LRRC4C: variants seen among roughly 807,000 people sequenced by gnomAD.
LRRC4C encodes leucine rich repeat containing 4C, also known as leucine-rich repeat-containing protein 4C.
A neutral mutation model predicts 33.6 loss-of-function variants in LRRC4C; 5 were observed. That is an observed-to-expected ratio of 0.15 (90% CI 0.08 to 0.31). The LOEUF is 0.31. LRRC4C is among the 10% of genes least tolerant of loss of function. The pLI is 1.00. For synonymous variants in LRRC4C, 329 were observed against 302.0 expected (o/e 1.09, Z -0.93); for missense variants, 560 against 796.7 (o/e 0.70, Z 3.58).
intron 4 of LRRC4C, among the ~76,000 whole-genome samples, chr11:40,250,152 C>A (rs1396244817): frequency 1.3e-5 from 2 of 150,900 alleles, no homozygotes; most frequent in African/African-American, 4.9e-5. Context: ...ATTATCTTGT[C>A]CCTAACTCAG....
At chr11:40,844,209 G>C (rs148611582) in intron 2 of LRRC4C, among the ~76,000 whole-genome samples, 13 of 151,116 alleles carry the variant, frequency 8.6e-5, no homozygotes, top group Admixed American at 2.0e-4. Context: ...TGCACGTTGT[G>C]CACATGTACC....
At chr11:40,141,897 T>C (rs1756067947) in intron 5 of LRRC4C, among the ~76,000 whole-genome samples, 1 of 142,726 alleles carries the variant, frequency 7.0e-6, no homozygotes, top group Non-Finnish European at 1.6e-5. Flanking sequence ...AATATATCAC[T>C]AATGAATGTT....
chr11:40,988,091 T>C (rs1209379140), intron 1 of LRRC4C, among the ~76,000 whole-genome samples: 2 of 152,150 alleles, frequency 1.3e-5, no homozygotes, highest in Non-Finnish European at 2.9e-5. Context: ...CCTCTATAGA[T>C]ATACTGGCTC....
intron 3 of LRRC4C, among the ~76,000 whole-genome samples, chr11:40,404,015 G>A (rs1158855408): frequency 1.3e-5 from 2 of 152,146 alleles, no homozygotes; most frequent in East Asian, 3.9e-4. Context: ...GTCTAGGCAT[G>A]GCCATGTGCC....
At chr11:40,587,171 T>C (rs912875927) in intron 3 of LRRC4C, among the ~76,000 whole-genome samples, 3 of 152,038 alleles carry the variant, frequency 2.0e-5, no homozygotes, top group Non-Finnish European at 4.4e-5. Flanking sequence ...ATTGTAGTTC[T>C]CCTTGAAGAG....
At chr11:41,364,906 T>G (rs1426807588) in intron 1 of LRRC4C, among the ~76,000 whole-genome samples, 1 of 152,156 alleles carries the variant, frequency 6.6e-6, no homozygotes, top group Non-Finnish European at 1.5e-5. Flanking sequence ...GGCGGAAATA[T>G]AACTTACTTG....
intron 3 of LRRC4C, among the ~76,000 whole-genome samples, chr11:40,552,713 G>T (rs1957173894): frequency 6.6e-6 from 1 of 152,012 alleles, no homozygotes; most frequent in African/African-American, 2.4e-5. Context: ...CTAAATAATG[G>T]GTTTTCTAAT....
intron 5 of LRRC4C, among the ~76,000 whole-genome samples, chr11:40,211,823 G>T (rs563370280): frequency 6.6e-6 from 1 of 152,106 alleles, no homozygotes; most frequent in African/African-American, 2.4e-5. Flanking sequence ...TCTGCTTCCC[G>T]AAATGTTGAT....
intron 2 of LRRC4C, among the ~76,000 whole-genome samples, chr11:40,860,987 T>A (rs1041356572): frequency 3.3e-5 from 5 of 152,096 alleles, no homozygotes; most frequent in African/African-American, 1.2e-4. Context: ...TTTCATGTTA[T>A]GTGTATTTCA....
intron 1 of LRRC4C, among the ~76,000 whole-genome samples, chr11:41,093,560 C>A (rs1940583596): frequency 6.6e-6 from 1 of 152,008 alleles, no homozygotes; most frequent in Admixed American, 6.6e-5. Flanking sequence ...TAGATTATTT[C>A]TCTTTATCCT....
intron 3 of LRRC4C, among the ~76,000 whole-genome samples, chr11:40,372,600 A>G (rs1406368446): frequency 6.6e-6 from 1 of 152,152 alleles, no homozygotes; most frequent in African/African-American, 2.4e-5. Context: ...GGGCAGAGGC[A>G]TATTTGGTGG....
chr11:40,640,885 G>A (rs1198316912), intron 3 of LRRC4C, among the ~76,000 whole-genome samples: 2 of 151,772 alleles, frequency 1.3e-5, no homozygotes, highest in South Asian at 2.1e-4. Flanking sequence ...GCGTGGTGGC[G>A]GGCGCCTGTA....
chr11:40,680,642 A>G (rs1944641024), intron 2 of LRRC4C, among the ~76,000 whole-genome samples: 1 of 152,272 alleles, frequency 6.6e-6, no homozygotes. Context: ...CCATTCACAT[A>G]AGGTATGACT....
chr11:40,339,506 T>C (rs1455236007), intron 3 of LRRC4C, among the ~76,000 whole-genome samples: 1 of 152,184 alleles, frequency 6.6e-6, no homozygotes, highest in Non-Finnish European at 1.5e-5. Flanking sequence ...GGAAAGCAGG[T>C]ATATTTACTG....
chr11:41,306,126 G>T (rs1378053434), intron 1 of LRRC4C, among the ~76,000 whole-genome samples: 1 of 151,858 alleles, frequency 6.6e-6, no homozygotes, highest in Non-Finnish European at 1.5e-5. Flanking sequence ...TCAGTCTAGA[G>T]GCTCACTTAC....
At chr11:41,402,275 T>C (rs945694708) in intron 1 of LRRC4C, among the ~76,000 whole-genome samples, 7 of 152,054 alleles carry the variant, frequency 4.6e-5, no homozygotes, top group African/African-American at 1.7e-4. Context: ...TATAAGACCA[T>C]GCTTAGTTAT....
chr11:40,505,127 T>C (rs1954970070), intron 3 of LRRC4C, among the ~76,000 whole-genome samples: 1 of 152,234 alleles, frequency 6.6e-6, no homozygotes, highest in East Asian at 1.9e-4. Context: ...CTGGGAGGAT[T>C]TGGCAGTTGG....
intron 3 of LRRC4C, among the ~76,000 whole-genome samples, chr11:40,519,869 C>G (rs1000411478): frequency 2.6e-5 from 4 of 152,178 alleles, no homozygotes; most frequent in Admixed American, 2.0e-4. Flanking sequence ...AGCAATTTAT[C>G]CTGAAGATCT....
chr11:40,342,425 C>T (rs925974375), intron 3 of LRRC4C, among the ~76,000 whole-genome samples: 4 of 152,090 alleles, frequency 2.6e-5, no homozygotes, highest in African/African-American at 9.7e-5. Context: ...GCCGAGATGG[C>T]ACCACTGCAC....
Sources: gnomAD v4.1 joint callset for allele counts (sites outside exome capture counted in the v4.1 genomes callset) on GRCh38, gnomAD v4.1.1 for gene constraint, MANE v1.5 for transcripts, NCBI Gene and HGNC (gene_info 2026-07-23, HGNC 2026-07-21) for gene names.